The following ETNK1 variants were observed in gnomAD, a reference collection of about 807,000 sequenced individuals.
ETNK1 encodes putative protein product of Nbla10396.
In ETNK1, 8 loss-of-function variants were observed where a neutral mutation model predicts 45.1. That is an observed-to-expected ratio of 0.18 (90% CI 0.10 to 0.32). The LOEUF (loss-of-function observed/expected upper bound fraction) is 0.32. ETNK1 is among the 10% of genes least tolerant of loss of function. The pLI is 1.00. For synonymous variants in ETNK1, 152 were observed against 151.9 expected (o/e 1.00, Z -0.01); for missense variants, 302 against 430.6 (o/e 0.70, Z 2.64).
In ETNK1 at chr12:22,673,630, A is replaced by G. The variant is rs772199457; in HGVS notation, c.915A>G (p.Ile305Met). 8 of 1,613,684 alleles carry G rather than the reference A, an allele frequency of 5.0e-6. No individual in the cohort carries two copies. In the South Asian group the frequency reaches 6.6e-5, roughly 13 times the overall value. The change falls in exon 6 of 8, where the codon ATA (isoleucine) becomes ATG (methionine). Residue 305 changes from isoleucine to methionine, a missense_variant. By Grantham distance (10) the Ile-to-Met change is conservative. This residue lies in a region of ETNK1 where 94 missense variants were observed against 152.9 expected (regional missense o/e 0.61). Coordinates refer to ENST00000266517, the MANE Select transcript of ETNK1 (RefSeq NM_018638.5). Reference protein sequence around the residue: ...GTEVTEKEVEILFIQVNQFAL... With the variant: ...GTEVTEKEVEMLFIQVNQFAL... Reference sequence around the variant, plus strand: ...AAGTTACTGAAAAGGAGGTAGAAATACTCTTCATTCAAGTCAATCAGTTTG... The same window carrying G: ...AAGTTACTGAAAAGGAGGTAGAAATGCTCTTCATTCAAGTCAATCAGTTTG...
At chr12:22,670,423 T>C (rs1954096840) in intron 4 of ETNK1, among the ~76,000 whole-genome samples, 1 of 152,040 alleles carries the variant, frequency 6.6e-6, no homozygotes, top group Non-Finnish European at 1.5e-5. Context: ...CTCTCGAATA[T>C]AGGACCTATA....
At chr12:22,665,107 T>C (rs1954042009) in intron 4 of ETNK1, among the ~76,000 whole-genome samples, 1 of 152,160 alleles carries the variant, frequency 6.6e-6, no homozygotes, top group African/African-American at 2.4e-5. Context: ...AGAAAGAGTA[T>C]AGATTTTGGA....
rs767214789 is a variant in ETNK1, at chr12:22,682,252, A to T, written c.946-2231A>T. ...GAAGCTGTTAAGCTCACAGAATCAC[A>T]TAAAACTTTTCTCATGTTCTAATTT... On this transcript the variant is annotated intron_variant, in intron 6 of 7. Transcript: ENST00000266517. 1.0e-5 allele frequency: 5 copies of T among 485,082 alleles called. No individual in the cohort carries two copies. In the East Asian group the frequency reaches 2.8e-4, roughly 27 times the overall value. 30.0% of individuals were successfully genotyped at this position (485,082 alleles called of 1,614,324 possible).
intron 1 of ETNK1, chr12:22,638,340 C>T (rs541373733): frequency 2.0e-5 from 3 of 151,832 alleles, no homozygotes; most frequent in Admixed American, 6.6e-5. Flanking sequence ...CAACCTTTGC[C>T]TCCAGGGTTT....
chr12:22,666,727 G>A (rs1954056799), intron 4 of ETNK1, among the ~76,000 whole-genome samples: 1 of 152,304 alleles, frequency 6.6e-6, no homozygotes, highest in South Asian at 2.1e-4. Flanking sequence ...AAATACAAAT[G>A]AGTGGAAGAA....
Position 22,625,225 on chromosome 12 carries a change from G to T in ETNK1, c.-206G>T, listed in dbSNP as rs951597543. The T allele has an allele frequency of 6.2e-7, 1 of 1,611,378 alleles. No homozygotes were observed. Among genetic ancestry groups the T allele is most frequent in the South Asian group, 1.1e-5 (1 of 91,016 alleles). ...AGGAATTTTCTCCGAGAGCGGGCCG[G>T]GCTCAGTTCAGCTGCTGTCCAGACC... On this transcript the variant is annotated 5_prime_UTR_variant, in exon 1 of 8. Transcript: ENST00000266517.
chr12:22,643,131 T>G (rs898564212), intron 1 of ETNK1, among the ~76,000 whole-genome samples: 2 of 152,050 alleles, frequency 1.3e-5, no homozygotes, highest in African/African-American at 4.8e-5. Flanking sequence ...TGTTATACTC[T>G]GAGTGTATAA....
At chr12:22,627,580 T>C (rs966174904) in intron 1 of ETNK1, among the ~76,000 whole-genome samples, 1 of 152,108 alleles carries the variant, frequency 6.6e-6, no homozygotes, top group Non-Finnish European at 1.5e-5. Flanking sequence ...TTCATAATGG[T>C]TCAGAATTTC....
chr12:22,650,641 G>A (rs962366185), intron 2 of ETNK1, among the ~76,000 whole-genome samples: 1 of 151,760 alleles, frequency 6.6e-6, no homozygotes, highest in Non-Finnish European at 1.5e-5. Flanking sequence ...TGGTCACAGT[G>A]TATAATTTCT....
At chr12:22,632,624 C>T (rs991985478) in intron 1 of ETNK1, among the ~76,000 whole-genome samples, 1 of 151,990 alleles carries the variant, frequency 6.6e-6, no homozygotes, top group East Asian at 1.9e-4. Flanking sequence ...ATCCCTTCTA[C>T]ATCAGCGTCC....
At chr12:22,662,352 C>T (rs1457139399) in intron 4 of ETNK1, among the ~76,000 whole-genome samples, 24 of 147,302 alleles carry the variant, frequency 1.6e-4, no homozygotes, top group Admixed American at 9.6e-4. Flanking sequence ...CCTCCCAAAG[C>T]GCTGGGATTA....
intron 1 of ETNK1, among the ~76,000 whole-genome samples, chr12:22,631,210 T>C (rs1295616175): frequency 2.0e-5 from 3 of 151,802 alleles, no homozygotes; most frequent in Admixed American, 6.6e-5. Context: ...GTTTCGCTCT[T>C]GTTGCCCAGG....
At chr12:22,668,172 A>C (rs1489135689) in intron 4 of ETNK1, among the ~76,000 whole-genome samples, 2 of 152,180 alleles carry the variant, frequency 1.3e-5, no homozygotes, top group Non-Finnish European at 2.9e-5. Context: ...CATACACATA[A>C]AATTTTAGGG....
intron 1 of ETNK1, among the ~76,000 whole-genome samples, chr12:22,639,304 C>T (rs1421699484): frequency 6.6e-6 from 1 of 152,016 alleles, no homozygotes; most frequent in Non-Finnish European, 1.5e-5. Context: ...CCTCCTGGCT[C>T]CCAAAGGGTT....
At chr12:22,652,537 C>T (rs1015389312) in intron 2 of ETNK1, among the ~76,000 whole-genome samples, 13 of 152,100 alleles carry the variant, frequency 8.5e-5, no homozygotes, top group African/African-American at 3.1e-4. Flanking sequence ...TTTGTAGTAA[C>T]CATTCTAATG....
chr12:22,635,064 C>T (rs1019996670), intron 1 of ETNK1, among the ~76,000 whole-genome samples: 11 of 152,172 alleles, frequency 7.2e-5, no homozygotes, highest in Admixed American at 2.0e-4. Flanking sequence ...TTGGAAAAGG[C>T]GGTCTCATGC....
At chr12:22,636,303 A>G (rs1275554148) in intron 1 of ETNK1, among the ~76,000 whole-genome samples, 1 of 152,142 alleles carries the variant, frequency 6.6e-6, no homozygotes, top group Non-Finnish European at 1.5e-5. Flanking sequence ...GAGGTCTTGG[A>G]AAAAAATAGT....
intron 4 of ETNK1, among the ~76,000 whole-genome samples, chr12:22,668,148 CCTAAG>C (rs1199715870): frequency 6.6e-6 from 1 of 152,076 alleles, no homozygotes; most frequent in Non-Finnish European, 1.5e-5. Flanking sequence ...AGAATCTCTT[CCTAAG>C]AAAGTGCACA....
At chr12:22,635,027 G>T (rs1953636696) in intron 1 of ETNK1, among the ~76,000 whole-genome samples, 1 of 152,008 alleles carries the variant, frequency 6.6e-6, no homozygotes, top group South Asian at 2.1e-4. Flanking sequence ...ACATGTCTTT[G>T]TAAGTACCCA....
Sources: allele counts gnomAD v4.1 joint callset (sites outside exome capture counted in the v4.1 genomes callset), GRCh38; gene constraint gnomAD v4.1.1; regional missense constraint gnomAD v4.1.1; transcripts MANE v1.5; gene names NCBI Gene and HGNC (gene_info 2026-07-23, HGNC 2026-07-21).